The following XKR9 variants were observed in gnomAD, a reference collection of about 807,000 sequenced individuals.
XKR9 encodes the protein XK-related protein 9.
XKR9 carries 32 observed loss-of-function variants against 32.0 expected under a neutral mutation model. The observed-to-expected ratio is 1.00, with a 90% CI of 0.76 to 1.34. The LOEUF is 1.34. Among genes scored for constraint, XKR9 ranks in the 40% most tolerant of loss-of-function variants. The pLI is 0.00. For missense variants in XKR9, 546 were observed against 429.7 expected (o/e 1.27, Z -2.39); for synonymous variants, 168 against 143.4 (o/e 1.17, Z -1.22).
intron 3 of XKR9, among the ~76,000 whole-genome samples, chr8:70,698,372 C>G (rs1463867152): frequency 6.6e-6 from 1 of 152,112 alleles, no homozygotes; most frequent in Non-Finnish European, 1.5e-5. Flanking sequence ...CCCAGAGATT[C>G]TGGTATGTTT....
At chr8:70,878,184 C>G in the XKR9 span, among the ~76,000 whole-genome samples, 49 of 152,226 alleles carry the variant, frequency 3.2e-4, no homozygotes, top group South Asian at 0.01. Flanking sequence ...ACAACCAGTA[C>G]CAGCTGCTGC....
At chr8:70,792,324 T>C (rs1807774615), downstream of XKR9, among the ~76,000 whole-genome samples, 1 of 151,972 alleles carries the variant, frequency 6.6e-6, no homozygotes, top group South Asian at 2.1e-4. Flanking sequence ...TGGGGAAAGT[T>C]TTAGAGCAGG....
the XKR9 span, among the ~76,000 whole-genome samples, chr8:70,839,067 G>A: frequency 6.6e-6 from 1 of 152,054 alleles, no homozygotes; most frequent in African/African-American, 2.4e-5. Context: ...TATTCTGAGA[G>A]ATGTTTCCTG....
chr8:70,973,140 G>A, the XKR9 span, among the ~76,000 whole-genome samples: 7 of 151,744 alleles, frequency 4.6e-5, no homozygotes, highest in South Asian at 2.1e-4. Flanking sequence ...TTTCAATCCC[G>A]CTATTTGTTA....
chr8:70,914,252 C>G, the XKR9 span, among the ~76,000 whole-genome samples: 158 of 152,206 alleles, frequency 1.0e-3, 1 homozygote, highest in Middle Eastern at 6.8e-3. Context: ...TGAGTATACA[C>G]ATAGAAGTAG....
chr8:71,005,259 C>T, the XKR9 span, among the ~76,000 whole-genome samples: 80 of 130,644 alleles, frequency 6.1e-4, no homozygotes, highest in African/African-American at 9.2e-4. Context: ...TTTCGCTCTT[C>T]GTGCCCAGGC....
chr8:70,784,053 T>C (rs1010872494), intron 2 of XKR9, among the ~76,000 whole-genome samples: 3 of 152,194 alleles, frequency 2.0e-5, no homozygotes, highest in Non-Finnish European at 2.9e-5. Context: ...TCTGTTCTGC[T>C]GTTCTATATG....
the XKR9 span, among the ~76,000 whole-genome samples, chr8:70,978,045 C>G: frequency 3.3e-5 from 5 of 152,172 alleles, no homozygotes; most frequent in Non-Finnish European, 7.3e-5. Flanking sequence ...TTATCAGAGA[C>G]TAGGATTGCA....
intron 2 of XKR9, among the ~76,000 whole-genome samples, chr8:70,742,111 A>G (rs1683846295): frequency 6.6e-6 from 1 of 151,990 alleles, no homozygotes; most frequent in South Asian, 2.1e-4. Context: ...TCTTTGGAGA[A>G]CTCTCTATAT....
the XKR9 span, among the ~76,000 whole-genome samples, chr8:70,837,393 T>C: frequency 3.9e-5 from 6 of 152,114 alleles, no homozygotes; most frequent in Non-Finnish European, 5.9e-5. Flanking sequence ...AAACCTGGCA[T>C]AGGAAACCCT....
chr8:70,825,182 T>C, the XKR9 span, among the ~76,000 whole-genome samples: 2 of 152,098 alleles, frequency 1.3e-5, no homozygotes, highest in Non-Finnish European at 2.9e-5. Context: ...TAGTAATTTG[T>C]AGCCCATTCC....
the XKR9 span, among the ~76,000 whole-genome samples, chr8:70,915,962 G>C: frequency 3.9e-5 from 6 of 152,178 alleles, no homozygotes; most frequent in African/African-American, 1.4e-4. Flanking sequence ...TCAGAGGGCA[G>C]CTCTGAGATT....
chr8:70,912,809 T>C, the XKR9 span, among the ~76,000 whole-genome samples: 65 of 152,178 alleles, frequency 4.3e-4, no homozygotes, highest in African/African-American at 1.5e-3. Flanking sequence ...AGGTAGGTAG[T>C]GTCACAGAAG....
intron 1 of XKR9, among the ~76,000 whole-genome samples, chr8:70,674,026 G>C (rs1162180952): frequency 6.6e-6 from 1 of 152,120 alleles, no homozygotes; most frequent in Non-Finnish European, 1.5e-5. Context: ...TATGGGTTCA[G>C]GTATGGTGGC....
the XKR9 span, among the ~76,000 whole-genome samples, chr8:70,993,807 T>C: frequency 1.3e-5 from 2 of 152,140 alleles, no homozygotes; most frequent in African/African-American, 2.4e-5. Context: ...CTTTCCTAGA[T>C]GCAGAGAAGG....
the XKR9 span, among the ~76,000 whole-genome samples, chr8:70,861,488 C>CAA: frequency 2.7e-3 from 391 of 146,716 alleles, no homozygotes; most frequent in Middle Eastern, 0.01. Context: ...TTGTGTCTAT[C>CAA]AAAAAAAAAA....
chr8:70,812,686 T>C, the XKR9 span, among the ~76,000 whole-genome samples: 1 of 152,086 alleles, frequency 6.6e-6, no homozygotes, highest in Admixed American at 6.5e-5. Flanking sequence ...TGAACTCCCA[T>C]TCACAATTGC....
intron 1 of XKR9, among the ~76,000 whole-genome samples, chr8:70,673,876 GTTACAC>G (rs1178053331): frequency 3.9e-5 from 6 of 152,162 alleles, no homozygotes; most frequent in African/African-American, 1.4e-4. Flanking sequence ...GTTCTGTTCA[GTTACAC>G]TTACAATAGT....
At chr8:70,773,585 G>T (rs895866689) in intron 2 of XKR9, among the ~76,000 whole-genome samples, 1 of 152,186 alleles carries the variant, frequency 6.6e-6, no homozygotes, top group Non-Finnish European at 1.5e-5. Context: ...TTTATGATGT[G>T]TATGGATCAG....
Sources: gnomAD v4.1 joint callset for allele counts (sites outside exome capture counted in the v4.1 genomes callset) on GRCh38, gnomAD v4.1.1 for gene constraint, MANE v1.5 for transcripts, NCBI Gene and HGNC (gene_info 2026-07-23, HGNC 2026-07-21) for gene names.